Variants in SYNPR observed in about 807,000 individuals in gnomAD.
SYNPR encodes synaptoporin.
SYNPR carries 23 observed loss-of-function variants against 32.9 expected under a neutral mutation model. That is an observed-to-expected ratio of 0.70 (90% CI 0.50 to 0.99). SYNPR has a LOEUF of 0.99. Among genes scored for constraint, SYNPR ranks in the 50% least tolerant of loss-of-function variants. The probability of loss-of-function intolerance (pLI) is 0.00; values close to 1 mark genes in which losing one functional copy is unlikely to be tolerated. For synonymous variants in SYNPR, 146 were observed against 135.9 expected, an observed-to-expected ratio of 1.07 and a Z score of -0.52; for missense variants, 318 against 349.3, an observed-to-expected ratio of 0.91 and a Z score of 0.71.
chr3:63,267,524 G>A (rs1463918256), intron 3 of SYNPR: 1 of 152,172 alleles, frequency 6.6e-6, no homozygotes, highest in Non-Finnish European at 1.5e-5. Context: ...GGGAAAGGAT[G>A]GAGCCAATTT....
intron 2 of SYNPR, among the ~76,000 whole-genome samples, chr3:63,365,754 G>A (rs527654117): frequency 3.3e-5 from 5 of 152,250 alleles, no homozygotes; most frequent in African/African-American, 7.2e-5. Flanking sequence ...TTTCTAAGGC[G>A]ATATATACGT....
chr3:63,296,840 A>G lies in SYNPR; in HGVS notation c.84+18098A>G, dbSNP rs551072331. On this transcript the variant is annotated intron_variant, in intron 2 of 5. Coordinates refer to ENST00000478300, the MANE Select transcript of SYNPR (RefSeq NM_001130003.2). ...ATCCTAGTGAGGTATGACTCTATTTATATATAAAGAGGGCTGTCTAATAGA... is the reference window on the plus strand; with the variant it reads ...ATCCTAGTGAGGTATGACTCTATTTGTATATAAAGAGGGCTGTCTAATAGA... Among the ~76,000 whole-genome samples, 458 of 152,250 alleles carry G rather than the reference A, an allele frequency of 3.0e-3. 2 individuals carry two copies. The highest frequency in any genetic ancestry group is 0.01 in the African/African-American group (428 of 41,554).
chr3:63,287,944 C>T (rs1009968608), intron 2 of SYNPR, among the ~76,000 whole-genome samples: 4 of 152,124 alleles, frequency 2.6e-5, no homozygotes, highest in East Asian at 1.9e-4. Flanking sequence ...CTTGGGTTCA[C>T]GTCAATGAGC....
the SYNPR span, among the ~76,000 whole-genome samples, chr3:63,218,681 G>C: frequency 6.6e-6 from 1 of 152,134 alleles, no homozygotes; most frequent in Non-Finnish European, 1.5e-5. Context: ...CAAAAGTCCT[G>C]GGATTACAGG....
chr3:63,304,772 TTTTA>T (rs571651677), intron 2 of SYNPR, among the ~76,000 whole-genome samples: 1,281 of 80,764 alleles, frequency 0.016, 24 homozygotes, highest in African/African-American at 0.034. Context: ...ATTTCTGTTC[TTTTA>T]TTTGATTAAT....
chr3:63,451,555 C>A (rs974177872), intron 2 of SYNPR, among the ~76,000 whole-genome samples: 15 of 152,158 alleles, frequency 9.9e-5, no homozygotes, highest in African/African-American at 3.6e-4. Context: ...CCTGTTACCC[C>A]CATCAGTCTT....
upstream of SYNPR, among the ~76,000 whole-genome samples, chr3:63,227,437 A>G (rs76826716): frequency 6.6e-6 from 1 of 152,208 alleles, no homozygotes; most frequent in Non-Finnish European, 1.5e-5. Context: ...GAGAGAGAGT[A>G]TATTACAGAA....
chr3:63,434,415 G>A (rs375017474), intron 2 of SYNPR, among the ~76,000 whole-genome samples: 3 of 152,168 alleles, frequency 2.0e-5, no homozygotes, highest in African/African-American at 7.2e-5. Context: ...AATAAACAGA[G>A]GTTTGGAAAG....
the SYNPR span, among the ~76,000 whole-genome samples, chr3:63,223,041 G>T: frequency 2.0e-5 from 3 of 152,222 alleles, no homozygotes; most frequent in East Asian, 5.8e-4. Context: ...GTGATCTTAT[G>T]AAACTGTCAT....
intron 3 of SYNPR, among the ~76,000 whole-genome samples, chr3:63,504,889 A>C (rs1407901022): frequency 6.6e-6 from 1 of 152,154 alleles, no homozygotes; most frequent in Non-Finnish European, 1.5e-5. Context: ...TGTGTGACTC[A>C]CGTGGACAGA....
intron 2 of SYNPR, among the ~76,000 whole-genome samples, chr3:63,264,306 G>A (rs1180390322): frequency 6.6e-6 from 1 of 152,120 alleles, no homozygotes; most frequent in Non-Finnish European, 1.5e-5. Context: ...CAAAGAAACA[G>A]TGAAAAGATT....
intron 4 of SYNPR, among the ~76,000 whole-genome samples, chr3:63,599,611 A>C (rs1396636227): frequency 6.6e-6 from 1 of 152,204 alleles, no homozygotes; most frequent in African/African-American, 2.4e-5. Flanking sequence ...CAATGATGAA[A>C]TCACCTTTTT....
At chr3:63,370,436 T>C (rs562398181) in intron 2 of SYNPR, among the ~76,000 whole-genome samples, 2 of 152,356 alleles carry the variant, frequency 1.3e-5, no homozygotes, top group African/African-American at 2.4e-5. Flanking sequence ...AGCTGTCTAG[T>C]GTGCCAATAA....
chr3:63,410,332 T>G (rs17068520), intron 2 of SYNPR, among the ~76,000 whole-genome samples: 1,550 of 152,298 alleles, frequency 0.01, 31 homozygotes, highest in African/African-American at 0.035. Flanking sequence ...CCAGAGCTTA[T>G]GCACTGAAAT....
intron 2 of SYNPR, among the ~76,000 whole-genome samples, chr3:63,401,162 G>A (rs1314470632): frequency 6.6e-6 from 1 of 152,152 alleles, no homozygotes; most frequent in East Asian, 1.9e-4. Flanking sequence ...TGGCATTCAT[G>A]TACTCATAAA....
chr3:63,564,117 T>G (rs1702743482), intron 4 of SYNPR, among the ~76,000 whole-genome samples: 1 of 151,982 alleles, frequency 6.6e-6, no homozygotes, highest in Non-Finnish European at 1.5e-5. Context: ...AAAGTGTGTA[T>G]GTATGTTGTT....
intron 4 of SYNPR, among the ~76,000 whole-genome samples, chr3:63,580,080 T>C (rs1575721391): frequency 1.3e-5 from 2 of 152,282 alleles, no homozygotes; most frequent in East Asian, 1.9e-4. Context: ...CCATTTCATA[T>C]TGAGAACCAA....
At chr3:63,357,856 T>C (rs1002361140) in intron 2 of SYNPR, among the ~76,000 whole-genome samples, 1 of 152,224 alleles carries the variant, frequency 6.6e-6, no homozygotes, top group South Asian at 2.1e-4. Context: ...TGACTGAATG[T>C]ATTGGCAACC....
intron 5 of SYNPR, among the ~76,000 whole-genome samples, chr3:63,614,430 A>C (rs1700248489): frequency 6.6e-6 from 1 of 152,172 alleles, no homozygotes; most frequent in Non-Finnish European, 1.5e-5. Flanking sequence ...TGGCTCACTG[A>C]CACCCTCCTG....
Sources: allele counts gnomAD v4.1 joint callset (sites outside exome capture counted in the v4.1 genomes callset), GRCh38; gene constraint gnomAD v4.1.1; transcripts MANE v1.5; gene names NCBI Gene and HGNC (gene_info 2026-07-23, HGNC 2026-07-21).